The following TANGO2 variants were observed in gnomAD, a reference collection of about 807,000 sequenced individuals.
TANGO2 encodes transport and golgi organization 2 homolog, also known as transport and Golgi organization protein 2 homolog.
In TANGO2, 26 loss-of-function variants were observed where a neutral mutation model predicts 39.1. The ratio of observed to expected loss-of-function variants is 0.67; its 90% CI spans 0.49 to 0.92. The LOEUF is 0.92. Among genes scored for constraint, TANGO2 ranks in the 40% least tolerant of loss-of-function variants. The pLI, the probability that TANGO2 is intolerant of heterozygous loss-of-function variation, is 0.00. For synonymous variants in TANGO2, 131 were observed against 144.5 expected, an observed-to-expected ratio of 0.91 and a Z score of 0.67; for missense variants, 326 against 360.1, an observed-to-expected ratio of 0.91 and a Z score of 0.77.
intron 3 of TANGO2, among the ~76,000 whole-genome samples, chr22:20,046,547 C>T (rs1269018269): frequency 6.6e-6 from 1 of 150,946 alleles, no homozygotes; most frequent in Non-Finnish European, 1.5e-5. Flanking sequence ...TCACTGCAAC[C>T]TCCACCTCCC....
At chr22:20,055,776 C>T (rs543046895) in intron 5 of TANGO2, 167 bp from the exon 6 acceptor site, 15 of 644,896 alleles carry the variant, frequency 2.3e-5, no homozygotes, top group East Asian at 5.4e-5. Context: ...TCCATGACCC[C>T]GCCTGCCAGG....
rs140653595 is a variant in TANGO2, at chr22:20,060,590, A to G, written c.452-940A>G. Among the ~76,000 whole-genome samples the G allele has an allele frequency of 1.9e-3, 282 of 152,266 alleles. 2 individuals are homozygous for G. The highest frequency in any genetic ancestry group is 6.5e-3 in the African/African-American group (270 of 41,544). On this transcript the variant is annotated intron_variant, in intron 6 of 8. Transcript: ENST00000327374. ...TGAGTTAACTTTTGTGTATGGTGTC[A>G]GGTAGAGTCCAACTCCCTTCTTTGC...
chr22:20,044,903 A>G (rs535977286), intron 3 of TANGO2, among the ~76,000 whole-genome samples: 105 of 152,276 alleles, frequency 6.9e-4, no homozygotes, highest in African/African-American at 2.5e-3. Context: ...CTGCCTCTGA[A>G]CTAGTGCCAA....
At chr22:20,051,900 C>G (rs757391663) in intron 3 of TANGO2, among the ~76,000 whole-genome samples, 5 of 152,146 alleles carry the variant, frequency 3.3e-5, no homozygotes, top group Admixed American at 2.6e-4. Context: ...TTAATGACAG[C>G]CTTTTTTGCC....
At chr22:20,046,468 T>A (rs1602138002) in intron 3 of TANGO2, among the ~76,000 whole-genome samples, 1 of 145,844 alleles carries the variant, frequency 6.9e-6, no homozygotes, top group East Asian at 2.0e-4. Flanking sequence ...TAATTTTTTT[T>A]TTTTTTTTTT....
chr22:20,038,694 C>T (rs566988997), intron 2 of TANGO2, among the ~76,000 whole-genome samples: 1 of 152,288 alleles, frequency 6.6e-6, no homozygotes, highest in African/African-American at 2.4e-5. Flanking sequence ...GCTGTGTTTT[C>T]CTGACTTCAT....
At chr22:20,026,133 C>T (rs898755343) in intron 1 of TANGO2, among the ~76,000 whole-genome samples, 5 of 152,238 alleles carry the variant, frequency 3.3e-5, no homozygotes, top group African/African-American at 1.2e-4. Context: ...GGCGGGGTGG[C>T]TCACGCCTAT....
At chr22:20,031,396 G>A (rs1226873374) in intron 1 of TANGO2, among the ~76,000 whole-genome samples, 1 of 152,156 alleles carries the variant, frequency 6.6e-6, no homozygotes, top group South Asian at 2.1e-4. Context: ...TCTTGTCCTG[G>A]CTCAGGAACC....
Position 20,064,730 on chromosome 22 carries a change from A to G in TANGO2, c.*68A>G, listed in dbSNP as rs2049000210. On this transcript the variant is annotated 3_prime_UTR_variant, in exon 9 of 9. Transcript: ENST00000327374. ...CCTTGAGGGGCACTGTGGACAGGAA[A>G]CCTTCCTTTGCCATACTGCATTGCA... The G allele has an allele frequency of 1.3e-6, 2 of 1,590,182 alleles. No individual in the cohort carries two copies. The highest frequency in any genetic ancestry group is 1.3e-5 in the African/African-American group (1 of 74,224).
At chr22:20,045,272 CAAAAAAA>C (rs695778) in intron 3 of TANGO2, among the ~76,000 whole-genome samples, 19 of 121,252 alleles carry the variant, frequency 1.6e-4, no homozygotes, top group Non-Finnish European at 2.7e-4. Context: ...CCTGTCTTTA[CAAAAAAA>C]AAAAAAAAAA....
chr22:20,064,527 C>T lies in TANGO2; in HGVS notation c.711-15C>T, dbSNP rs75305197. 2.6e-3 allele frequency: 4,145 copies of T among 1,613,988 alleles called. 96 individuals carry two copies. The African/African-American group carries it at 0.047, about 18-fold the overall frequency. On this transcript the variant is annotated splice_polypyrimidine_tract_variant and intron_variant, in intron 8 of 8. Transcript: ENST00000327374. ...GAGGGACACCAGGTGAACGAGGGCCCCTGCTCTCTTTCAGAACCAACACTA... is the reference window on the plus strand; with the variant it reads ...GAGGGACACCAGGTGAACGAGGGCCTCTGCTCTCTTTCAGAACCAACACTA...
chr22:20,057,628 G>A lies in TANGO2; in HGVS notation c.451+1615G>A, dbSNP rs1437544466. Among the ~76,000 whole-genome samples, 5 of 152,208 alleles carry A rather than the reference G, an allele frequency of 3.3e-5. No homozygotes were observed. On this transcript the variant is annotated intron_variant, in intron 6 of 8. Coordinates refer to ENST00000327374, the MANE Select transcript of TANGO2 (RefSeq NM_152906.7). This position sits in a 1 kb window ranked among gnomAD's most constrained non-coding sequence, Gnocchi z 4.1. ...GGGATGTGGCCCCAGAAGGTCCTGA[G>A]CTTGCAAAGGATTGTTCTGGCTGTC... is the stretch of plus-strand genomic sequence containing the variant.
chr22:20,040,897 C>T (rs1182078494), intron 2 of TANGO2, among the ~76,000 whole-genome samples: 1 of 152,232 alleles, frequency 6.6e-6, no homozygotes, highest in African/African-American at 2.4e-5. Context: ...CCAGGCAGCA[C>T]ATCCCTGAGA....
chr22:20,045,563 G>A (rs1372834966), intron 3 of TANGO2, among the ~76,000 whole-genome samples: 4 of 146,848 alleles, frequency 2.7e-5, no homozygotes, highest in Non-Finnish European at 5.9e-5. Context: ...GAGTGCAATG[G>A]TGCCATCTCA....
chr22:20,044,080 G>T (rs1014931316), intron 3 of TANGO2, among the ~76,000 whole-genome samples: 1 of 152,156 alleles, frequency 6.6e-6, no homozygotes, highest in African/African-American at 2.4e-5. Context: ...TGGAAGGTGC[G>T]CATAGATGGC....
rs190773700 is a variant in TANGO2, at chr22:20,051,446, G to A, written c.146-1019G>A. 2.5e-3 allele frequency among the ~76,000 whole-genome samples: 379 copies of A among 152,142 alleles called. 8 individuals carry two copies. The highest frequency in any genetic ancestry group is 0.01 in the Middle Eastern group (3 of 294). ...CTCAGGAGGCTGAGGCAGGAGAATC[G>A]CTTGAACCCAGGAGGGAGAGGTTGC... is the stretch of plus-strand genomic sequence containing the variant. On this transcript the variant is annotated intron_variant, in intron 3 of 8. Transcript: ENST00000327374.
upstream of TANGO2, among the ~76,000 whole-genome samples, chr22:20,017,425 T>G (rs1399577370): frequency 6.6e-6 from 1 of 152,118 alleles, no homozygotes; most frequent in Non-Finnish European, 1.5e-5. Context: ...GGGGAGACGA[T>G]GGAGGTAGGA....
Position 20,052,455 on chromosome 22 carries a change from T to C in TANGO2, c.146-10T>C, listed in dbSNP as rs1233115192. On this transcript the variant is annotated splice_polypyrimidine_tract_variant and intron_variant, in intron 3 of 8. Coordinates refer to ENST00000327374, the MANE Select transcript of TANGO2 (RefSeq NM_152906.7). Reference sequence around the variant, plus strand: ...GGCATCAATGGTGGTAACACTGTCATCTGCCACAGGGCTGGACATGGAGGA... The same window carrying C: ...GGCATCAATGGTGGTAACACTGTCACCTGCCACAGGGCTGGACATGGAGGA... 1.3e-6 allele frequency: 2 copies of C among 1,593,850 alleles called. No individual in the cohort carries two copies. The highest frequency in any genetic ancestry group is 1.7e-6 in the Non-Finnish European group (2 of 1,170,070).
At chr22:20,039,884 C>T (rs999917628) in intron 2 of TANGO2, among the ~76,000 whole-genome samples, 3 of 150,626 alleles carry the variant, frequency 2.0e-5, no homozygotes, top group African/African-American at 7.3e-5. Flanking sequence ...ACATACCCCC[C>T]GGACAGTACA....
Sources: gnomAD v4.1 joint callset for allele counts (sites outside exome capture counted in the v4.1 genomes callset) on GRCh38, gnomAD v4.1.1 for gene constraint, Gnocchi (gnomAD v3.1) non-coding constraint, MANE v1.5 for transcripts, NCBI Gene and HGNC (gene_info 2026-07-23, HGNC 2026-07-21) for gene names.